The following RECK variants were observed in gnomAD, a reference collection of about 807,000 sequenced individuals.
RECK encodes the protein reversion inducing cysteine rich protein with kazal motifs, also known as reversion-inducing cysteine-rich protein with Kazal motifs.
A neutral mutation model predicts 115.1 loss-of-function variants in RECK; 69 were observed. That is an observed-to-expected ratio of 0.60 (90% CI 0.49 to 0.73). RECK has a LOEUF of 0.73. RECK is among the 30% of genes least tolerant of loss of function. The pLI is 0.00. For synonymous variants in RECK, 414 were observed against 419.7 expected, an observed-to-expected ratio of 0.99 and a Z score of 0.17; for missense variants, 1,047 against 1,203.7, an observed-to-expected ratio of 0.87 and a Z score of 1.93.
At chr9:36,117,705 G>T (rs1228263106) in intron 17 of RECK, among the ~76,000 whole-genome samples, 1 of 152,194 alleles carries the variant, frequency 6.6e-6, no homozygotes, top group African/African-American at 2.4e-5. Flanking sequence ...AAACTGGGCC[G>T]GGCGCGGTGG....
intron 1 of RECK, among the ~76,000 whole-genome samples, chr9:36,050,908 A>AC (rs1260614482): frequency 6.6e-6 from 1 of 151,416 alleles, no homozygotes; most frequent in African/African-American, 2.4e-5. Context: ...TAAAATACCC[A>AC]CTCACTTCCA....
chr9:36,104,326 A>ATAT (rs1267835561), intron 12 of RECK, among the ~76,000 whole-genome samples: 1 of 27,516 alleles, frequency 3.6e-5, no homozygotes. Flanking sequence ...ATATATATAT[A>ATAT]TTTTTTTTTT....
chr9:36,065,510 A>G, intron 5 of RECK, 67 bp from the exon 6 acceptor site: 1 of 1,219,242 alleles, frequency 8.2e-7, no homozygotes, highest in Non-Finnish European at 1.1e-6. Flanking sequence ...ATGCTAATTT[A>G]TGTTCTTTTT....
At chr9:36,104,292 GTATATATATATATATATATATA>G (rs11273343) in intron 12 of RECK, among the ~76,000 whole-genome samples, 8 of 43,890 alleles carry the variant, frequency 1.8e-4, no homozygotes, top group East Asian at 8.0e-4. Flanking sequence ...GTGTGTGTGT[GTATATATATATATATATATATA>G]TATATATATA....
At chr9:36,118,683 C>A in intron 17 of RECK, 74 bp from the exon 18 acceptor site, 1 of 1,361,960 alleles carries the variant, frequency 7.3e-7, no homozygotes, top group Non-Finnish European at 1.0e-6. Context: ...AATAGGGAGG[C>A]ATGCTGTGTA....
At position 36,085,241 on chromosome 9, in the gene RECK, G is replaced by A. The variant is rs866027666; in HGVS notation, c.637+1679G>A. ...TTAAAAAGTCATAACAATGAGAAGAGAGCCTGATATCTTTTAAAAATTAGG... is the reference window on the plus strand; with the variant it reads ...TTAAAAAGTCATAACAATGAGAAGAAAGCCTGATATCTTTTAAAAATTAGG... On this transcript the variant is annotated intron_variant, in intron 8 of 20. Transcript: ENST00000377966. The A allele has an allele frequency of 1.3e-4, 27 of 208,812 alleles. No homozygotes were observed. The Middle Eastern group carries it at 6.6e-3, about 51-fold the overall frequency. The allele number at this position is 208,812 out of a possible 1,614,324, so 12.9% of individuals were successfully genotyped here. A position where few individuals can be genotyped will look rare whatever the true frequency, so the allele number is the denominator to read the frequency against.
At chr9:36,116,705 C>A (rs1037826728) in intron 16 of RECK, among the ~76,000 whole-genome samples, 2 of 152,228 alleles carry the variant, frequency 1.3e-5, no homozygotes, top group African/African-American at 4.8e-5. Flanking sequence ...CTTTGCCCCC[C>A]CAGCCTCCAG....
intron 15 of RECK, among the ~76,000 whole-genome samples, chr9:36,111,093 A>T (rs1824024609): frequency 6.6e-6 from 1 of 152,146 alleles, no homozygotes; most frequent in African/African-American, 2.4e-5. Context: ...ACTTTTTAAA[A>T]TTTTTTTGTT....
intron 12 of RECK, among the ~76,000 whole-genome samples, chr9:36,104,276 A>ATGTG (rs200067838): frequency 0.058 from 3,610 of 61,752 alleles, 172 homozygotes; most frequent in Non-Finnish European, 0.089. Flanking sequence ...CATACATAGC[A>ATGTG]TGTGTGTGTG....
At position 36,063,712 on chromosome 9, in the gene RECK, T is replaced by C. The variant is rs1242415499; in HGVS notation, c.272-83T>C. On this transcript the variant is annotated intron_variant, in intron 4 of 20. Coordinates refer to ENST00000377966, the MANE Select transcript of RECK (RefSeq NM_021111.3). ...TCTTATGGACAGCTGCTTTGACTTT[T>C]AGTAGTAGCCTTGAAACATCTGGCA... is the stretch of plus-strand genomic sequence containing the variant. 7 of 1,283,744 alleles carry C rather than the reference T, an allele frequency of 5.5e-6. No individual in the cohort carries two copies. In the South Asian group the frequency reaches 6.3e-5, roughly 11 times the overall value. 79.5% of individuals were successfully genotyped at this position (1,283,744 alleles called of 1,614,324 possible).
chr9:36,078,196 C>T (rs1822530990), intron 6 of RECK, among the ~76,000 whole-genome samples: 1 of 152,238 alleles, frequency 6.6e-6, no homozygotes, highest in Non-Finnish European at 1.5e-5. Context: ...TGAGTAAAAG[C>T]TATTGTCCAT....
intron 6 of RECK, among the ~76,000 whole-genome samples, chr9:36,079,690 A>C (rs1443315876): frequency 6.6e-6 from 1 of 152,196 alleles, no homozygotes; most frequent in African/African-American, 2.4e-5. Flanking sequence ...GTCTCGTTTC[A>C]ACAATAAGGG....
At chr9:36,074,393 TG>T (rs1160035978) in intron 6 of RECK, among the ~76,000 whole-genome samples, 1 of 152,224 alleles carries the variant, frequency 6.6e-6, no homozygotes, top group East Asian at 1.9e-4. Flanking sequence ...GGTACAAAAA[TG>T]AAAGGATTTA....
At chr9:36,081,626 G>T (rs929116534) in intron 7 of RECK, among the ~76,000 whole-genome samples, 2 of 152,078 alleles carry the variant, frequency 1.3e-5, no homozygotes, top group Non-Finnish European at 2.9e-5. Flanking sequence ...TTGAGGTCAG[G>T]AGTTTGAGAC....
chr9:36,098,994 G>A lies in RECK; in HGVS notation c.1086-1337G>A, dbSNP rs541483433. 4.1e-4 allele frequency among the ~76,000 whole-genome samples: 62 copies of A among 152,162 alleles called. 1 individual carries two copies. Among genetic ancestry groups the A allele is most frequent in the Admixed American group, 9.2e-4 (14 of 15,264 alleles). Reference sequence around the variant, plus strand: ...TAATCCCAACACTTTGAGAGGCCAAGGTGAGCAGATCGCTTGGGCCCAGGA... The same window carrying A: ...TAATCCCAACACTTTGAGAGGCCAAAGTGAGCAGATCGCTTGGGCCCAGGA... On this transcript the variant is annotated intron_variant, in intron 10 of 20. Transcript: ENST00000377966.
chr9:36,091,613 A>G (rs1251296059), intron 10 of RECK, among the ~76,000 whole-genome samples: 1 of 152,248 alleles, frequency 6.6e-6, no homozygotes, highest in African/African-American at 2.4e-5. Flanking sequence ...CTGTACCACC[A>G]GTGGAAGTAA....
At chr9:36,071,530 A>C (rs923755703) in intron 6 of RECK, among the ~76,000 whole-genome samples, 1 of 152,090 alleles carries the variant, frequency 6.6e-6, no homozygotes, top group African/African-American at 2.4e-5. Flanking sequence ...CATACGTTTT[A>C]TATTTTTTTA....
intron 11 of RECK, among the ~76,000 whole-genome samples, chr9:36,101,823 C>T (rs376706384): frequency 6.6e-6 from 1 of 152,296 alleles, no homozygotes; most frequent in African/African-American, 2.4e-5. Flanking sequence ...CATTTAATTT[C>T]CTTTCAAAGA....
chr9:36,113,817 C>A (rs1243025380), intron 16 of RECK, among the ~76,000 whole-genome samples: 1 of 151,944 alleles, frequency 6.6e-6, no homozygotes, highest in Middle Eastern at 3.2e-3. Flanking sequence ...GAAAAATGGA[C>A]CAAGGACATA....
Sources: allele counts gnomAD v4.1 joint callset (sites outside exome capture counted in the v4.1 genomes callset), GRCh38; gene constraint gnomAD v4.1.1; transcripts MANE v1.5; gene names NCBI Gene and HGNC (gene_info 2026-07-23, HGNC 2026-07-21).